SGCG: variants seen among roughly 807,000 people sequenced by gnomAD.
SGCG encodes gamma-sarcoglycan.
In SGCG, 26 loss-of-function variants were observed where a neutral mutation model predicts 29.3. The ratio of observed to expected loss-of-function variants is 0.89; its 90% CI spans 0.65 to 1.23. SGCG has a LOEUF of 1.23. SGCG is among the 50% of genes most tolerant of loss of function. The pLI is 0.00. For missense variants in SGCG, 353 were observed against 356.0 expected (o/e 0.99, Z 0.07); for synonymous variants, 145 against 129.7 (o/e 1.12, Z -0.80).
upstream of SGCG, among the ~76,000 whole-genome samples, chr13:23,178,290 G>A (rs748474824): frequency 2.0e-5 from 3 of 152,208 alleles, no homozygotes; most frequent in African/African-American, 4.8e-5. Flanking sequence ...AGAGCAGGAG[G>A]TTCTGCAGAG....
chr13:23,249,977 G>A (rs929732414), intron 3 of SGCG, among the ~76,000 whole-genome samples: 18 of 152,312 alleles, frequency 1.2e-4, no homozygotes, highest in African/African-American at 4.1e-4. Context: ...CAGACTGCAT[G>A]TGCTTTTTCA....
intron 2 of SGCG, among the ~76,000 whole-genome samples, chr13:23,232,238 C>T (rs942534402): frequency 3.9e-5 from 6 of 152,178 alleles, no homozygotes; most frequent in Middle Eastern, 3.4e-3. Context: ...AATGTCAGTT[C>T]GAATCGTAGT....
At chr13:23,263,731 TCA>T (rs961315087) in intron 4 of SGCG, among the ~76,000 whole-genome samples, 9 of 151,944 alleles carry the variant, frequency 5.9e-5, no homozygotes, top group African/African-American at 2.2e-4. Flanking sequence ...AGAAAATCAT[TCA>T]CCATGAGCAA....
At chr13:23,279,268 G>C in intron 4 of SGCG, 91 bp from the exon 5 acceptor site, 1 of 1,192,528 alleles carries the variant, frequency 8.4e-7, no homozygotes. Context: ...TAGATACTTG[G>C]TATTGTAGGG....
At chr13:23,222,256 A>C (rs574513706) in intron 2 of SGCG, among the ~76,000 whole-genome samples, 1 of 152,288 alleles carries the variant, frequency 6.6e-6, no homozygotes, top group African/African-American at 2.4e-5. Context: ...GGATTGTCTC[A>C]TTACTCTATT....
Position 23,188,756 on chromosome 13 carries a change from T to C in SGCG, c.-1+7681T>C, listed in dbSNP as rs538418218. On this transcript the variant is annotated intron_variant, in intron 1 of 7. Coordinates refer to ENST00000218867, the MANE Select transcript of SGCG (RefSeq NM_000231.3). ...CTTCTGAGGATAGGAATGTGGCAAG[T>C]AAATACTGCAGCCTAGCTCATGGGC... 9.9e-5 allele frequency among the ~76,000 whole-genome samples: 15 copies of C among 152,238 alleles called. No homozygotes were observed. In the South Asian group the frequency reaches 1.7e-3, roughly 17 times the overall value.
At position 23,320,723 on chromosome 13, in the gene SGCG, C is replaced by T. The variant is rs1193929532; in HGVS notation, c.665C>T (p.Ser222Phe). ...QAHAGKIEAL[S>F]QMDILFHSSD... ...CACGCTGGGAAAATTGAGGCGCTTT[C>T]TCAAATGGATATTCTTTTTCATAGT... Residue 222 changes from serine (S) to phenylalanine (F), a missense_variant, in exon 7 of 8, where the codon TCT becomes TTT. Transcript: ENST00000218867. 1 of 1,612,150 alleles carries T rather than the reference C, an allele frequency of 6.2e-7. No individual in the cohort carries two copies. Among genetic ancestry groups the T allele is most frequent in the Non-Finnish European group, 8.5e-7 (1 of 1,179,256 alleles).
At chr13:23,317,512 G>A (rs1882864175) in intron 6 of SGCG, among the ~76,000 whole-genome samples, 1 of 131,216 alleles carries the variant, frequency 7.6e-6, no homozygotes, top group Non-Finnish European at 1.8e-5. Context: ...CAGAAACGGG[G>A]ACTGTAATTA....
At chr13:23,284,108 C>T (rs180685144) in intron 5 of SGCG, among the ~76,000 whole-genome samples, 2 of 152,016 alleles carry the variant, frequency 1.3e-5, no homozygotes, top group African/African-American at 4.8e-5. Flanking sequence ...TTGAGGAGTA[C>T]CTTTGTTGTG....
intron 2 of SGCG, among the ~76,000 whole-genome samples, chr13:23,228,795 T>C (rs1242760399): frequency 3.3e-5 from 5 of 152,222 alleles, no homozygotes; most frequent in Non-Finnish European, 7.3e-5. Flanking sequence ...GCAAAGGACA[T>C]GATCTCATTC....
chr13:23,233,267 C>T (rs1033199812), intron 2 of SGCG, among the ~76,000 whole-genome samples: 5 of 151,966 alleles, frequency 3.3e-5, no homozygotes, highest in African/African-American at 4.8e-5. Context: ...TATGCTATAA[C>T]GTGAAAGATC....
At chr13:23,198,547 C>A (rs752832927) in intron 1 of SGCG, among the ~76,000 whole-genome samples, 12 of 152,058 alleles carry the variant, frequency 7.9e-5, no homozygotes, top group Non-Finnish European at 1.6e-4. Context: ...GAAAAGCAAT[C>A]AAAATTAAAT....
chr13:23,183,139 C>T (rs1876811239), intron 1 of SGCG, among the ~76,000 whole-genome samples: 1 of 152,162 alleles, frequency 6.6e-6, no homozygotes, highest in African/African-American at 2.4e-5. Context: ...GTCTCAGTTT[C>T]TTCATTTGTA....
At chr13:23,193,208 G>A (rs747357651) in intron 1 of SGCG, among the ~76,000 whole-genome samples, 47 of 152,342 alleles carry the variant, frequency 3.1e-4, no homozygotes, top group Non-Finnish European at 5.3e-4. Flanking sequence ...TTGAGGGATG[G>A]AAAGGCTGGT....
chr13:23,234,484 C>CTATT lies in SGCG; in HGVS notation c.196-125_196-124insTTTA, dbSNP rs58174484. 448,235 of 671,012 alleles carry CTATT rather than the reference C, an allele frequency of 0.67. 152,081 individuals are homozygous for CTATT. The highest frequency in any genetic ancestry group is 0.89 in the East Asian group (32,873 of 36,810). 41.6% of individuals were successfully genotyped at this position (671,012 alleles called of 1,614,324 possible). A position where few individuals can be genotyped will look rare whatever the true frequency, so the allele number is the denominator to read the frequency against. Reference sequence around the variant, plus strand: ...TTAAAGATGCAAAGTTTTAAATACACTAGGAGAAATGCAGAAAAGGTGGTA... The same window carrying CTATT: ...TTAAAGATGCAAAGTTTTAAATACACTATTTAGGAGAAATGCAGAAAAGGTGGTA... On this transcript the variant is annotated intron_variant, in intron 2 of 7. Coordinates refer to ENST00000218867, the MANE Select transcript of SGCG (RefSeq NM_000231.3).
intron 6 of SGCG, among the ~76,000 whole-genome samples, chr13:23,316,677 C>A (rs1047763243): frequency 6.6e-6 from 1 of 152,168 alleles, no homozygotes; most frequent in African/African-American, 2.4e-5. Context: ...CTCGCCATCA[C>A]CCCAGTGATC....
chr13:23,308,228 CA>C (rs924092794), intron 6 of SGCG, among the ~76,000 whole-genome samples: 19 of 152,172 alleles, frequency 1.2e-4, no homozygotes, highest in Admixed American at 3.3e-4. Flanking sequence ...TGAGTTCTTT[CA>C]AAAACATTTT....
intron 4 of SGCG, among the ~76,000 whole-genome samples, chr13:23,266,068 G>A (rs1880627566): frequency 6.6e-6 from 1 of 152,084 alleles, no homozygotes; most frequent in African/African-American, 2.4e-5. Flanking sequence ...CTGAGGTCAG[G>A]AGTTCGAGAC....
intron 5 of SGCG, among the ~76,000 whole-genome samples, chr13:23,293,830 TAAAA>T (rs10579291): frequency 0.094 from 13,440 of 143,108 alleles, 651 homozygotes; most frequent in South Asian, 0.14. Flanking sequence ...GATTCCGTCT[TAAAA>T]AAAAAAAAAA....
Sources: allele counts gnomAD v4.1 joint callset (sites outside exome capture counted in the v4.1 genomes callset), GRCh38; gene constraint gnomAD v4.1.1; transcripts MANE v1.5; gene names NCBI Gene and HGNC (gene_info 2026-07-23, HGNC 2026-07-21).